Variants in PIK3C2B observed in about 807,000 individuals in gnomAD.
The protein encoded by PIK3C2B is phosphatidylinositol 4-phosphate 3-kinase C2 domain-containing subunit beta.
Under a neutral mutation model 184.3 loss-of-function variants are expected in PIK3C2B, and 83 were observed. The ratio of observed to expected loss-of-function variants is 0.45; its 90% confidence interval spans 0.38 to 0.54. The LOEUF is 0.54. Among genes scored for constraint, PIK3C2B ranks in the 20% least tolerant of loss-of-function variants. The pLI, the probability that PIK3C2B is intolerant of heterozygous loss-of-function variation, is 0.00. For missense variants in PIK3C2B, 1,736 were observed against 2,113.5 expected, an observed-to-expected ratio of 0.82 and a Z score of 3.50; for synonymous variants, 779 against 837.6, an observed-to-expected ratio of 0.93 and a Z score of 1.21.
intron 3 of PIK3C2B, 45 bp downstream of exon 3, chr1:204,465,174 T>TC: frequency 1.6e-6 from 1 of 610,562 alleles, no homozygotes; most frequent in Non-Finnish European, 3.1e-6. Flanking sequence ...CCCCTCCCCA[T>TC]CCCCCATAGC....
chr1:204,460,412 G>T lies in PIK3C2B; in HGVS notation c.1423-9C>A. The T allele has an allele frequency of 1.2e-6, 2 of 1,611,542 alleles. No individual in the cohort carries two copies. Among genetic ancestry groups the T allele is most frequent in the Non-Finnish European group, 1.7e-6 (2 of 1,177,744 alleles). On this transcript the variant is annotated splice_polypyrimidine_tract_variant and intron_variant, in intron 6 of 32. Transcript: ENST00000684373. ...CTCTGGTCATCATTCACCTGTATAAGAAGTGACCTATTCAGAGAGGGGCGG... is the reference window on the plus strand; with the variant it reads ...CTCTGGTCATCATTCACCTGTATAATAAGTGACCTATTCAGAGAGGGGCGG...
rs1658234010 is a variant in PIK3C2B at position 204,494,460 on chromosome 1, C to T, written c.-189G>A. The T allele has an allele frequency of 6.6e-6, 1 of 152,518 alleles. No individual in the cohort carries two copies. The highest frequency in any genetic ancestry group is 6.5e-5 in the Admixed American group (1 of 15,294). The allele number at this position is 152,518 out of a possible 1,614,324, so 9.4% of individuals were successfully genotyped here. On this transcript the variant is annotated 5_prime_UTR_variant, in exon 1 of 33. Coordinates refer to ENST00000684373, the MANE Select transcript of PIK3C2B (RefSeq NM_001377334.1). ...GGGCTCGCTCTGCGGCTCCAGGCGCCTCTTGCACCAGCGCGAGAGGAGCTG... is the reference window on the plus strand; with the variant it reads ...GGGCTCGCTCTGCGGCTCCAGGCGCTTCTTGCACCAGCGCGAGAGGAGCTG...
intron 1 of PIK3C2B, among the ~76,000 whole-genome samples, chr1:204,492,610 G>C (rs1158922415): frequency 1.3e-5 from 2 of 152,142 alleles, no homozygotes; most frequent in Non-Finnish European, 2.9e-5. Flanking sequence ...ATCTGCCAGA[G>C]CATACTAGGT....
Position 204,424,702 on chromosome 1 carries a change from G to C in PIK3C2B, c.*150C>G. 1 of 806,414 alleles carries C rather than the reference G, an allele frequency of 1.2e-6. No individual in the cohort carries two copies. 50.0% of individuals were successfully genotyped at this position (806,414 alleles called of 1,614,324 possible). A position where few individuals can be genotyped will look rare whatever the true frequency, so the allele number is the denominator to read the frequency against. ...CAGCAGAGCATGTCTTACTCTCCCT[G>C]CCTCCTACCACAGAGGCCAGAATCA... On this transcript the variant is annotated 3_prime_UTR_variant, in exon 33 of 33. Coordinates refer to ENST00000684373, the MANE Select transcript of PIK3C2B (RefSeq NM_001377334.1).
chr1:204,429,425 A>G (rs1674920831), intron 29 of PIK3C2B, among the ~76,000 whole-genome samples: 1 of 152,208 alleles, frequency 6.6e-6, no homozygotes, highest in Admixed American at 6.5e-5. Flanking sequence ...CCAGAGTTAT[A>G]CTTAAGCTAT....
intron 2 of PIK3C2B, 147 bp from the exon 3 acceptor site, chr1:204,465,466 C>T: frequency 1.6e-6 from 1 of 624,458 alleles, no homozygotes. Flanking sequence ...ACATATGGGA[C>T]ATCCGGGAAT....
In PIK3C2B at chr1:204,443,537, T is replaced by C; in HGVS notation, c.2928A>G (p.Ala976=). 1.2e-6 allele frequency: 2 copies of C among 1,614,228 alleles called. No homozygotes were observed. The highest frequency in any genetic ancestry group is 1.7e-6 in the Non-Finnish European group (2 of 1,180,032). ...CCTTGCCACAGCAGCACAGTAAGGCTGCCAGCAGATACTGGTAGCGGATGC... is the reference window on the plus strand; with the variant it reads ...CCTTGCCACAGCAGCACAGTAAGGCCGCCAGCAGATACTGGTAGCGGATGC... ...QFSIRYQYLL[A]ALLCCCGKGL... The change falls in exon 19 of 33, where the codon GCA becomes GCG. Residue 976 remains alanine (A), a synonymous_variant. Coordinates refer to ENST00000684373, the MANE Select transcript of PIK3C2B (RefSeq NM_001377334.1).
At chr1:204,490,044 A>G (rs1440429036) in intron 1 of PIK3C2B, 2 of 397,294 alleles carry the variant, frequency 5.0e-6, no homozygotes, top group Non-Finnish European at 8.9e-6. Context: ...TGTGTGAAAC[A>G]ACTCTCTAAT....
intron 3 of PIK3C2B, 76 bp downstream of exon 3, chr1:204,465,143 A>G (rs964930125): frequency 4.6e-6 from 4 of 865,460 alleles, no homozygotes; most frequent in South Asian, 2.8e-5. Flanking sequence ...CCTCCTAAAG[A>G]AAGTTTGGAA....
intron 1 of PIK3C2B, among the ~76,000 whole-genome samples, chr1:204,483,713 G>C (rs774612520): frequency 6.6e-6 from 1 of 152,154 alleles, no homozygotes; most frequent in African/African-American, 2.4e-5. Context: ...GCCTTTCTCC[G>C]ATCTCTTATC....
rs761030910 is a variant in PIK3C2B at position 204,428,184 on chromosome 1, G to A, written c.4435C>T (p.Arg1479Trp). The change falls in exon 30 of 33, where the codon CGG becomes TGG. Residue 1479 changes from arginine to tryptophan, a missense_variant. Physicochemically the swap from Arg to Trp is moderately radical, Grantham distance 101. This residue lies in a region of PIK3C2B where 200 missense variants were observed against 199.1 expected (regional missense o/e 1.00). Transcript: ENST00000684373. Reference sequence around the variant, plus strand: ...CTGGTGCCCATAGCCTTCTCATCCCGGGGCAGTGGGTGGAAGAAGGTGTAC... The same window carrying A: ...CTGGTGCCCATAGCCTTCTCATCCCAGGGCAGTGGGTGGAAGAAGGTGTAC... ...LVYTFFHPLP[R>W]DEKAMGTSPA... 21 of 1,612,552 alleles carry A rather than the reference G, an allele frequency of 1.3e-5. No individual in the cohort carries two copies. The highest frequency in any genetic ancestry group is 6.7e-5 in the Admixed American group (4 of 59,986).
At chr1:204,459,411 G>A (rs553767404) in intron 8 of PIK3C2B, among the ~76,000 whole-genome samples, 42 of 152,320 alleles carry the variant, frequency 2.8e-4, no homozygotes, top group East Asian at 3.9e-4. Flanking sequence ...TTGAGACTCC[G>A]CATGAATCCA....
At chr1:204,485,811 T>C (rs1657537756) in intron 1 of PIK3C2B, among the ~76,000 whole-genome samples, 1 of 152,056 alleles carries the variant, frequency 6.6e-6, no homozygotes, top group African/African-American at 2.4e-5. Context: ...ACTCAAGCGA[T>C]CTGCCTGCCC....
chr1:204,472,037 G>A (rs1252891777), intron 1 of PIK3C2B, among the ~76,000 whole-genome samples: 1 of 152,124 alleles, frequency 6.6e-6, no homozygotes, highest in African/African-American at 2.4e-5. Flanking sequence ...CTTCAGCGGT[G>A]GTATCCTTTT....
chr1:204,468,056 C>T (rs896222564), intron 2 of PIK3C2B, among the ~76,000 whole-genome samples: 1 of 152,102 alleles, frequency 6.6e-6, no homozygotes, highest in African/African-American at 2.4e-5. Flanking sequence ...ACACTATGTA[C>T]TGATAAAAAT....
intron 12 of PIK3C2B, among the ~76,000 whole-genome samples, chr1:204,452,974 T>C (rs569132827): frequency 1.3e-5 from 2 of 152,204 alleles, no homozygotes; most frequent in East Asian, 3.9e-4. Flanking sequence ...ACACCTTTAT[T>C]GCTCTAAGAA....
intron 12 of PIK3C2B, among the ~76,000 whole-genome samples, chr1:204,454,355 G>A (rs974367782): frequency 2.6e-5 from 4 of 151,774 alleles, no homozygotes; most frequent in Non-Finnish European, 5.9e-5. Flanking sequence ...GGTGGCGGGC[G>A]CCTGTAGTCC....
intron 2 of PIK3C2B, 135 bp downstream of exon 2, chr1:204,468,735 A>C: frequency 1.4e-6 from 1 of 729,074 alleles, no homozygotes; most frequent in Non-Finnish European, 2.2e-6. Flanking sequence ...CACCAGGGCC[A>C]GGGTCCCAAA....
rs554736027 is a variant in PIK3C2B, at chr1:204,428,528, CTTTG to C, written c.4399-312_4399-309del. Among the ~76,000 whole-genome samples the C allele has an allele frequency of 4.1e-3, 617 of 152,222 alleles. 5 individuals are homozygous for C. Among genetic ancestry groups the C allele is most frequent in the African/African-American group, 0.014 (581 of 41,544 alleles). Reference sequence around the variant, plus strand: ...ACAGTATTATGATGTCTGTAATTTACTTTGTTTGTTTGTTTGAGATGGAGTCTCG... The same window carrying C: ...ACAGTATTATGATGTCTGTAATTTACTTTGTTTGTTTGAGATGGAGTCTCG... On this transcript the variant is annotated intron_variant, in intron 29 of 32. Transcript: ENST00000684373.
Sources: allele counts gnomAD v4.1 joint callset (sites outside exome capture counted in the v4.1 genomes callset), GRCh38; gene constraint gnomAD v4.1.1; regional missense constraint gnomAD v4.1.1; transcripts MANE v1.5; gene names NCBI Gene and HGNC (gene_info 2026-07-23, HGNC 2026-07-21).